KCNAB1: variants seen among roughly 807,000 people sequenced by gnomAD.
KCNAB1 encodes the protein potassium voltage-gated channel subfamily A regulatory beta subunit 1.
KCNAB1 carries 35 observed loss-of-function variants against 64.6 expected under a neutral mutation model. The observed-to-expected ratio is 0.54, with a 90% CI of 0.41 to 0.72. The LOEUF (loss-of-function observed/expected upper bound fraction) is 0.72. Ranked by LOEUF, KCNAB1 falls within the 30% of genes least tolerant of loss-of-function variation. The probability of loss-of-function intolerance (pLI) is 0.00; values close to 1 mark genes in which losing one functional copy is unlikely to be tolerated. For synonymous variants in KCNAB1, 177 were observed against 183.8 expected, an observed-to-expected ratio of 0.96 and a Z score of 0.30; for missense variants, 401 against 512.9, an observed-to-expected ratio of 0.78 and a Z score of 2.11.
chr3:156,358,136 G>C (rs543483222), intron 1 of KCNAB1, among the ~76,000 whole-genome samples: 28 of 152,160 alleles, frequency 1.8e-4, no homozygotes, highest in Non-Finnish European at 3.5e-4. Flanking sequence ...TAGAAGCACA[G>C]GTTTACATCA....
At chr3:156,273,270 C>A (rs1719142956) in intron 1 of KCNAB1, among the ~76,000 whole-genome samples, 1 of 152,210 alleles carries the variant, frequency 6.6e-6, no homozygotes, top group African/African-American at 2.4e-5. Context: ...GCTCTGAGCA[C>A]AGCATAGCAT....
intron 1 of KCNAB1, among the ~76,000 whole-genome samples, chr3:156,320,097 C>T (rs1722555810): frequency 6.6e-6 from 1 of 152,164 alleles, no homozygotes; most frequent in Non-Finnish European, 1.5e-5. Context: ...TCTCTGAGGA[C>T]TCCCCAGGCC....
chr3:156,179,083 ATTCT>A (rs1224143436), intron 1 of KCNAB1, among the ~76,000 whole-genome samples: 3 of 151,614 alleles, frequency 2.0e-5, no homozygotes, highest in Admixed American at 1.3e-4. Flanking sequence ...CACTCCAGTG[ATTCT>A]TTGAGAATCA....
intron 1 of KCNAB1, among the ~76,000 whole-genome samples, chr3:156,209,107 G>C (rs1020130447): frequency 2.0e-5 from 3 of 152,264 alleles, no homozygotes; most frequent in Middle Eastern, 3.4e-3. Context: ...AAGTAAATTT[G>C]TATACAATCA....
chr3:156,227,922 A>G (rs2108429449), intron 1 of KCNAB1: 1 of 152,392 alleles, frequency 6.6e-6, no homozygotes, highest in East Asian at 1.9e-4. Context: ...AGAAAGAGAC[A>G]CTGAGTCAGC....
At chr3:156,176,435 T>A (rs1272017358) in intron 1 of KCNAB1, 1 of 784,884 alleles carries the variant, frequency 1.3e-6, no homozygotes, top group Admixed American at 1.7e-5. Flanking sequence ...GGTGGCTAGA[T>A]AACAGGAATT....
At chr3:156,201,883 G>A (rs929522207) in intron 1 of KCNAB1, among the ~76,000 whole-genome samples, 1 of 152,162 alleles carries the variant, frequency 6.6e-6, no homozygotes, top group Admixed American at 6.5e-5. Flanking sequence ...CTGCTGGTCA[G>A]GTGCATTTGC....
intron 8 of KCNAB1, among the ~76,000 whole-genome samples, chr3:156,477,272 T>G (rs1344407066): frequency 1.3e-5 from 2 of 152,124 alleles, no homozygotes; most frequent in Non-Finnish European, 2.9e-5. Context: ...AAATTTACAT[T>G]TTTCCTGAGT....
At chr3:156,336,592 A>G (rs918415738) in intron 1 of KCNAB1, among the ~76,000 whole-genome samples, 2 of 152,208 alleles carry the variant, frequency 1.3e-5, no homozygotes, top group African/African-American at 4.8e-5. Flanking sequence ...TGATTTTTAT[A>G]TTGATGAAAA....
At chr3:156,499,231 C>T (rs191528793) in intron 8 of KCNAB1, among the ~76,000 whole-genome samples, 10 of 152,296 alleles carry the variant, frequency 6.6e-5, no homozygotes, top group Non-Finnish European at 1.3e-4. Context: ...CATGAGGGAT[C>T]CATCTTGCAG....
chr3:156,450,185 C>T (rs1483624291), intron 2 of KCNAB1, among the ~76,000 whole-genome samples: 1 of 152,152 alleles, frequency 6.6e-6, no homozygotes, highest in Non-Finnish European at 1.5e-5. Flanking sequence ...AAAATAGTGC[C>T]ACCTATGGGC....
intron 5 of KCNAB1, chr3:156,460,335 G>A (rs1712806483): frequency 1.3e-5 from 2 of 156,442 alleles, no homozygotes; most frequent in Non-Finnish European, 1.4e-5. Context: ...AACACATTTA[G>A]TCAGCATCTC....
intron 1 of KCNAB1, among the ~76,000 whole-genome samples, chr3:156,280,477 TA>T (rs1719641206): frequency 6.7e-6 from 1 of 149,282 alleles, no homozygotes; most frequent in African/African-American, 2.5e-5. Flanking sequence ...ATATGAACTT[TA>T]AAGTAGTTTT....
chr3:156,252,375 C>T (rs947624688), intron 1 of KCNAB1, among the ~76,000 whole-genome samples: 1 of 152,194 alleles, frequency 6.6e-6, no homozygotes, highest in African/African-American at 2.4e-5. Context: ...ATACTGTGTA[C>T]ATTTGATAAA....
At chr3:156,460,839 C>A (rs1712846244) in intron 5 of KCNAB1, among the ~76,000 whole-genome samples, 1 of 152,120 alleles carries the variant, frequency 6.6e-6, no homozygotes, top group South Asian at 2.1e-4. Context: ...GGAAGCAAAA[C>A]TAAGAAGGTG....
intron 3 of KCNAB1, 49 bp from the exon 4 acceptor site, chr3:156,457,404 G>C: frequency 1.9e-6 from 3 of 1,612,218 alleles, no homozygotes; most frequent in Non-Finnish European, 1.7e-6. Flanking sequence ...TTGCTTCCAG[G>C]TTTGGAAAGC....
intron 1 of KCNAB1, among the ~76,000 whole-genome samples, chr3:156,160,197 G>A (rs1208430582): frequency 6.6e-6 from 1 of 152,190 alleles, no homozygotes; most frequent in Non-Finnish European, 1.5e-5. Flanking sequence ...GAACCAAGGC[G>A]ATAGTAATAA....
At chr3:156,225,778 C>T (rs755923928) in intron 1 of KCNAB1, among the ~76,000 whole-genome samples, 3 of 152,080 alleles carry the variant, frequency 2.0e-5, no homozygotes, top group Non-Finnish European at 2.9e-5. Flanking sequence ...ATACCAACAG[C>T]GACCAAGCTG....
chr3:156,379,897 G>A (rs1486510393), intron 1 of KCNAB1, among the ~76,000 whole-genome samples: 1 of 152,156 alleles, frequency 6.6e-6, no homozygotes, highest in Non-Finnish European at 1.5e-5. Context: ...ATACTCTAAA[G>A]GTAGAGTAGA....
Sources: allele counts gnomAD v4.1 joint callset (sites outside exome capture counted in the v4.1 genomes callset), GRCh38; gene constraint gnomAD v4.1.1; transcripts MANE v1.5; gene names NCBI Gene and HGNC (gene_info 2026-07-23, HGNC 2026-07-21).